Variants in NMBR observed in about 807,000 individuals in gnomAD.
NMBR encodes the protein neuromedin B receptor.
NMBR carries 16 observed loss-of-function variants against 20.5 expected under a neutral mutation model. The ratio of observed to expected loss-of-function variants is 0.78; its 90% confidence interval spans 0.53 to 1.19. NMBR has a LOEUF of 1.19. Among genes scored for constraint, NMBR ranks in the 50% most tolerant of loss-of-function variants. The pLI, the probability that NMBR is intolerant of heterozygous loss-of-function variation, is 0.00. For missense variants in NMBR, 582 were observed against 499.1 expected (o/e 1.17, Z -1.58); for synonymous variants, 212 against 196.6 (o/e 1.08, Z -0.65).
At chr6:142,145,494 A>G (rs1778416461) in intron 1 of NMBR, among the ~76,000 whole-genome samples, 1 of 152,236 alleles carries the variant, frequency 6.6e-6, no homozygotes, top group Admixed American at 6.5e-5. Flanking sequence ...TCTGTAAAAT[A>G]ATAATGATAT....
chr6:142,088,737 T>G lies in NMBR; in HGVS notation c.-79A>C. ...GGACTGAACGCCCACGATTTAGGTTTAATCGATGTCCCTCCCTCTCGCCCC... is the reference window on the plus strand; with the variant it reads ...GGACTGAACGCCCACGATTTAGGTTGAATCGATGTCCCTCCCTCTCGCCCC... On this transcript the variant is annotated 5_prime_UTR_variant, in exon 2 of 4. Transcript: ENST00000258042. The G allele has an allele frequency of 1.6e-6, 2 of 1,278,746 alleles. No homozygotes were observed. Among genetic ancestry groups the G allele is most frequent in the Non-Finnish European group, 2.2e-6 (2 of 930,086 alleles). The allele number at this position is 1,278,746 out of a possible 1,614,324, so 79.2% of individuals were successfully genotyped here. A position where few individuals can be genotyped will look rare whatever the true frequency, so the allele number is the denominator to read the frequency against.
chr6:142,144,024 C>T (rs1044276687), intron 1 of NMBR, among the ~76,000 whole-genome samples: 31 of 152,072 alleles, frequency 2.0e-4, no homozygotes, highest in African/African-American at 6.3e-4. Flanking sequence ...TTAAATGTGC[C>T]GGAACAATTA....
At chr6:142,079,108 A>AAGAGAGAGAGAGAAAGAAAGAG (rs754275458) in intron 2 of NMBR, among the ~76,000 whole-genome samples, 1 of 112,184 alleles carries the variant, frequency 8.9e-6, no homozygotes, top group Non-Finnish European at 1.7e-5. Flanking sequence ...GAGAGAGAGA[A>AAGAGAGAGAGAGAAAGAAAGAG]AGAAAGAAAG....
At chr6:142,100,804 G>A (rs556144072) in intron 1 of NMBR, among the ~76,000 whole-genome samples, 74 of 152,294 alleles carry the variant, frequency 4.9e-4, no homozygotes, top group African/African-American at 1.7e-3. Context: ...TTGGTAGAGG[G>A]TATAGGAGAC....
intron 1 of NMBR, among the ~76,000 whole-genome samples, chr6:142,091,205 T>G (rs543808032): frequency 1.3e-5 from 2 of 152,278 alleles, no homozygotes; most frequent in Non-Finnish European, 2.9e-5. Context: ...AAGGTAAACA[T>G]CTACTGGAAT....
intron 3 of NMBR, among the ~76,000 whole-genome samples, chr6:142,077,542 T>C (rs1562388956): frequency 6.6e-6 from 1 of 152,210 alleles, no homozygotes; most frequent in Non-Finnish European, 1.5e-5. Context: ...AATCTAACAA[T>C]GCCTTCAATA....
chr6:142,105,173 T>C (rs1187427677), intron 1 of NMBR, among the ~76,000 whole-genome samples: 1 of 152,052 alleles, frequency 6.6e-6, no homozygotes, highest in Non-Finnish European at 1.5e-5. Context: ...AGTCAGTTGG[T>C]CAGTTAGGGT....
chr6:142,083,169 T>C (rs972457533), intron 2 of NMBR, among the ~76,000 whole-genome samples: 33 of 152,216 alleles, frequency 2.2e-4, no homozygotes, highest in African/African-American at 7.7e-4. Context: ...AGATATCTAA[T>C]TTATTGGAGT....
chr6:142,091,211 G>A lies in NMBR; in HGVS notation c.-663-1890C>T, dbSNP rs565563743. On this transcript the variant is annotated intron_variant, in intron 1 of 3. Transcript: ENST00000258042. ...CACACATCAAAGGTAAACATCTACTGGAATGAAACACTATTTGTTTATTTA... is the reference window on the plus strand; with the variant it reads ...CACACATCAAAGGTAAACATCTACTAGAATGAAACACTATTTGTTTATTTA... Among the ~76,000 whole-genome samples the A allele has an allele frequency of 1.7e-4, 26 of 152,156 alleles. No homozygotes were observed. The South Asian group carries it at 3.9e-3, about 23-fold the overall frequency.
chr6:142,083,190 T>G (rs1777132802), intron 2 of NMBR, among the ~76,000 whole-genome samples: 1 of 152,186 alleles, frequency 6.6e-6, no homozygotes, highest in Non-Finnish European at 1.5e-5. Flanking sequence ...CAAATAACAT[T>G]TATTTAACAA....
At chr6:142,080,234 G>T (rs1444610675) in intron 2 of NMBR, among the ~76,000 whole-genome samples, 3 of 147,490 alleles carry the variant, frequency 2.0e-5, no homozygotes, top group Non-Finnish European at 3.0e-5. Context: ...TTTCCTATAA[G>T]TTTTTTATGT....
intron 2 of NMBR, among the ~76,000 whole-genome samples, chr6:142,086,858 A>G (rs1394644139): frequency 6.6e-6 from 1 of 152,208 alleles, no homozygotes; most frequent in Non-Finnish European, 1.5e-5. Context: ...GAATAAAAGC[A>G]CAATGATAGT....
intron 2 of NMBR, among the ~76,000 whole-genome samples, chr6:142,087,624 T>C (rs539124978): frequency 2.0e-5 from 3 of 152,026 alleles, no homozygotes; most frequent in Non-Finnish European, 4.4e-5. Flanking sequence ...TGGGTACCTA[T>C]CTGTGGAAAA....
rs754039362 is a variant in NMBR at position 142,088,464 on chromosome 6, C to T, written c.195G>A (p.Val65=). Residue 65 remains valine (V), a synonymous_variant, in exon 2 of 4, where the codon GTG becomes GTA. Transcript: ENST00000258042. ...TGGCGCTGTTGGTGATGAAGATCTT[C>T]ACCAGCATGATGTTGCCCAGCAAGC... ...TVGLLGNIML[V]KIFITNSAMR... 2.0e-5 allele frequency: 32 copies of T among 1,613,952 alleles called. No individual in the cohort carries two copies. Among genetic ancestry groups the T allele is most frequent in the Non-Finnish European group, 2.5e-5 (30 of 1,180,002 alleles).
Position 142,088,905 on chromosome 6 carries a change from A to T in NMBR, c.-247T>A. 6.3e-6 allele frequency: 2 copies of T among 319,570 alleles called. No homozygotes were observed. The highest frequency in any genetic ancestry group is 1.1e-5 in the Non-Finnish European group (2 of 175,732). 19.8% of individuals were successfully genotyped at this position (319,570 alleles called of 1,614,324 possible). A position where few individuals can be genotyped will look rare whatever the true frequency, so the allele number is the denominator to read the frequency against. On this transcript the variant is annotated 5_prime_UTR_variant, in exon 2 of 4. Coordinates refer to ENST00000258042, the MANE Select transcript of NMBR (RefSeq NM_002511.4). ...CCGGCTAACTCTGAATTTAAATTAA[A>T]AAAAAAAAAAAAGCAAAGCGGTTGC...
rs762731024 is a variant in NMBR at position 142,088,269 on chromosome 6, G to A, written c.390C>T (p.Ser130=). 1.9e-6 allele frequency: 3 copies of A among 1,613,284 alleles called. No individual in the cohort carries two copies. The highest frequency in any genetic ancestry group is 1.1e-5 in the South Asian group (1 of 91,066). The change falls in exon 2 of 4, where the codon TCC becomes TCT. Residue 130 remains serine, a synonymous_variant. Transcript: ENST00000258042. The stretch of plus-strand genomic sequence containing the variant: ...CGCTGAGGGCAGTGAGAGTGAACAC[G>A]GAAACCCCCACGGAAGTGAGCTGGA... The part of the protein sequence containing the change: ...PVIQLTSVGV[S]VFTLTALSAD...
intron 1 of NMBR, among the ~76,000 whole-genome samples, chr6:142,142,383 T>C (rs947612970): frequency 6.6e-6 from 1 of 152,126 alleles, no homozygotes; most frequent in African/African-American, 2.4e-5. Context: ...TATTTACAAA[T>C]AGGATCCAGC....
intron 1 of NMBR, among the ~76,000 whole-genome samples, chr6:142,135,475 T>A (rs1778235030): frequency 6.6e-6 from 1 of 152,100 alleles, no homozygotes; most frequent in African/African-American, 2.4e-5. Flanking sequence ...TAAAATTTTA[T>A]TCAATCGGTT....
At chr6:142,142,771 T>G (rs901026627) in intron 1 of NMBR, among the ~76,000 whole-genome samples, 13 of 152,170 alleles carry the variant, frequency 8.5e-5, no homozygotes, top group African/African-American at 3.1e-4. Flanking sequence ...CATAGAAAAT[T>G]CTAAAGAACG....
Sources: gnomAD v4.1 joint callset for allele counts (sites outside exome capture counted in the v4.1 genomes callset) on GRCh38, gnomAD v4.1.1 for gene constraint, MANE v1.5 for transcripts, NCBI Gene and HGNC (gene_info 2026-07-23, HGNC 2026-07-21) for gene names.